The following HNF4G variants were observed in gnomAD, a reference collection of about 807,000 sequenced individuals.
HNF4G encodes the protein hepatocyte nuclear factor 4-gamma.
Under a neutral mutation model 50.9 loss-of-function variants are expected in HNF4G, and 21 were observed. The observed-to-expected ratio is 0.41, with a 90% CI of 0.29 to 0.59. The LOEUF (loss-of-function observed/expected upper bound fraction) is 0.59. HNF4G is among the 20% of genes least tolerant of loss of function. HNF4G has a pLI of 0.26. For missense variants in HNF4G, 527 were observed against 559.4 expected, an observed-to-expected ratio of 0.94 and a Z score of 0.58; for synonymous variants, 198 against 185.6, an observed-to-expected ratio of 1.07 and a Z score of -0.54.
chr8:75,436,527 A>G (rs979631703), intron 1 of HNF4G, among the ~76,000 whole-genome samples: 8 of 152,186 alleles, frequency 5.3e-5, no homozygotes, highest in African/African-American at 1.7e-4. Context: ...ATCAGTAGGG[A>G]AAGGGTAGTT....
At chr8:75,536,098 T>C (rs917029219), upstream of HNF4G, among the ~76,000 whole-genome samples, 1 of 151,942 alleles carries the variant, frequency 6.6e-6, no homozygotes, top group Non-Finnish European at 1.5e-5. Context: ...TGGAACATCT[T>C]AGCCTACAAA....
intron 9 of HNF4G, 44 bp downstream of exon 9, chr8:75,560,510 C>A (rs1447001416): frequency 6.4e-7 from 1 of 1,565,540 alleles, no homozygotes; most frequent in Non-Finnish European, 8.7e-7. Flanking sequence ...TTCTTAATTA[C>A]CCAAGAAAAA....
chr8:75,542,610 A>G (rs1806659136), intron 1 of HNF4G, among the ~76,000 whole-genome samples: 1 of 150,508 alleles, frequency 6.6e-6, no homozygotes, highest in Non-Finnish European at 1.5e-5. Flanking sequence ...AGATACTGGG[A>G]TCAGAGATTT....
chr8:75,494,300 G>A (rs2977917), intron 2 of HNF4G, among the ~76,000 whole-genome samples: 1,103 of 77,274 alleles, frequency 0.014, 55 homozygotes, highest in African/African-American at 0.059. Flanking sequence ...CTCCCATACA[G>A]CACACACACA....
intron 1 of HNF4G, among the ~76,000 whole-genome samples, chr8:75,455,061 G>C (rs1694555095): frequency 1.3e-5 from 2 of 152,006 alleles, no homozygotes; most frequent in South Asian, 4.1e-4. Flanking sequence ...CATCCCTTTT[G>C]TGTAAATAAT....
chr8:75,449,885 CT>C (rs1811546735), intron 1 of HNF4G, among the ~76,000 whole-genome samples: 1 of 151,740 alleles, frequency 6.6e-6, no homozygotes, highest in Non-Finnish European at 1.5e-5. Context: ...TACTTAAAAT[CT>C]ATTCTCAGCA....
At chr8:75,487,902 G>C (rs948114914) in intron 1 of HNF4G, among the ~76,000 whole-genome samples, 1 of 152,124 alleles carries the variant, frequency 6.6e-6, no homozygotes, top group African/African-American at 2.4e-5. Flanking sequence ...AGCAAACACG[G>C]CCTTCTTCAC....
At chr8:75,512,464 A>ATTATTT (rs1301635947) in intron 2 of HNF4G, among the ~76,000 whole-genome samples, 4 of 148,980 alleles carry the variant, frequency 2.7e-5, no homozygotes, top group Non-Finnish European at 5.9e-5. Context: ...TATTATTATT[A>ATTATTT]TTATTATTGT....
At chr8:75,461,847 T>C (rs576899511) in intron 1 of HNF4G, among the ~76,000 whole-genome samples, 1 of 148,212 alleles carries the variant, frequency 6.7e-6, no homozygotes, top group Non-Finnish European at 1.5e-5. Context: ...TATACTGTAA[T>C]AGAAGTCATG....
intron 2 of HNF4G, among the ~76,000 whole-genome samples, chr8:75,518,865 A>C (rs368023640): frequency 1.3e-5 from 2 of 152,082 alleles, no homozygotes; most frequent in East Asian, 3.9e-4. Context: ...CTCATTACTC[A>C]TGCAAATTTC....
chr8:75,545,776 G>A (rs1332871340), intron 2 of HNF4G, among the ~76,000 whole-genome samples: 1 of 152,036 alleles, frequency 6.6e-6, no homozygotes, highest in Non-Finnish European at 1.5e-5. Flanking sequence ...TCCTTGAGTG[G>A]AGGAAACAAG....
intron 1 of HNF4G, among the ~76,000 whole-genome samples, chr8:75,415,624 C>A (rs987902627): frequency 6.6e-6 from 1 of 152,130 alleles, no homozygotes; most frequent in Admixed American, 6.5e-5. Context: ...TTTATATACA[C>A]GGTCTACAGT....
At chr8:75,411,215 C>A (rs1810493977) in intron 1 of HNF4G, among the ~76,000 whole-genome samples, 2 of 149,260 alleles carry the variant, frequency 1.3e-5, no homozygotes, top group South Asian at 4.3e-4. Context: ...GAGTTGCTTG[C>A]TGCACAAAGG....
At chr8:75,452,515 C>T (rs930201910) in intron 1 of HNF4G, among the ~76,000 whole-genome samples, 3 of 152,108 alleles carry the variant, frequency 2.0e-5, no homozygotes, top group African/African-American at 7.2e-5. Context: ...GTCAGGAAAT[C>T]GAGACCATCC....
At position 75,558,935 on chromosome 8, in the gene HNF4G, A is replaced by G. The variant is rs1807217194; in HGVS notation, c.1021A>G (p.Thr341Ala). ...TGGAGAGTTGCTTCTGCTCCTGCCC[A>G]CACTGCAGAGCATCACGTGGCAAAT... is the stretch of plus-strand genomic sequence containing the variant. ...RFGELLLLLP[T>A]LQSITWQMIE... The change falls in exon 8 of 10, where the codon ACA becomes GCA. Residue 341 changes from threonine (T) to alanine (A), a missense_variant. Around this residue, in one of 5 missense-constraint regions of HNF4G, gnomAD observed 308 missense variants for 301.5 expected, o/e 1.02. Coordinates refer to ENST00000396423, the MANE Select transcript of HNF4G (RefSeq NM_004133.5). The G allele has an allele frequency of 2.5e-6, 4 of 1,613,896 alleles. No individual in the cohort carries two copies. The highest frequency in any genetic ancestry group is 1.7e-5 in the Admixed American group (1 of 59,992).
intron 2 of HNF4G, among the ~76,000 whole-genome samples, chr8:75,512,070 T>C (rs951280233): frequency 1.3e-5 from 2 of 152,152 alleles, no homozygotes; most frequent in Admixed American, 6.5e-5. Context: ...GTGGAATGAT[T>C]TTGTTAATAT....
rs1028402244 is a variant in HNF4G at position 75,563,831 on chromosome 8, T to C, written c.1247-144T>C. The C allele has an allele frequency of 2.7e-5, 22 of 812,454 alleles. No homozygotes were observed. The African/African-American group carries it at 2.9e-4, about 11-fold the overall frequency. The allele number at this position is 812,454 out of a possible 1,614,324, so 50.3% of individuals were successfully genotyped here. On this transcript the variant is annotated intron_variant, in intron 9 of 9. Coordinates refer to ENST00000396423, the MANE Select transcript of HNF4G (RefSeq NM_004133.5). Reference sequence around the variant, plus strand: ...CTAACAGTACGTCATGGGCCAATAATGCATTCTACAAATCACTATTCTGTG... The same window carrying C: ...CTAACAGTACGTCATGGGCCAATAACGCATTCTACAAATCACTATTCTGTG...
intron 1 of HNF4G, among the ~76,000 whole-genome samples, chr8:75,486,576 A>G (rs895271785): frequency 6.6e-6 from 1 of 152,242 alleles, no homozygotes; most frequent in African/African-American, 2.4e-5. Flanking sequence ...GTTCTTTTGT[A>G]GAAACCAATT....
In HNF4G at chr8:75,558,922, T is replaced by C. The variant is rs1181932818; in HGVS notation, c.1008T>C (p.Leu336=). The C allele has an allele frequency of 6.2e-7, 1 of 1,614,046 alleles. No individual in the cohort carries two copies. The highest frequency in any genetic ancestry group is 1.7e-5 in the Admixed American group (1 of 60,016). Residue 336 remains leucine, a synonymous_variant, in exon 8 of 10, where the codon CTT becomes CTC. Transcript: ENST00000396423. ...YDSRGRFGEL[L]LLLPTLQSIT... is the part of the protein sequence containing the mutation. ...CCCGGGGGAGGTTTGGAGAGTTGCTTCTGCTCCTGCCCACACTGCAGAGCA... is the reference window on the plus strand; with the variant it reads ...CCCGGGGGAGGTTTGGAGAGTTGCTCCTGCTCCTGCCCACACTGCAGAGCA...
Sources: gnomAD v4.1 joint callset for allele counts (sites outside exome capture counted in the v4.1 genomes callset) on GRCh38, gnomAD v4.1.1 for gene constraint, gnomAD v4.1.1 regional missense constraint, MANE v1.5 for transcripts, NCBI Gene and HGNC (gene_info 2026-07-23, HGNC 2026-07-21) for gene names.